The following ADAMTS17 variants were observed in gnomAD, a reference collection of about 807,000 sequenced individuals.
ADAMTS17 encodes ADAM metallopeptidase with thrombospondin type 1 motif 17, also known as A disintegrin and metalloproteinase with thrombospondin motifs 17.
A neutral mutation model predicts 141.5 loss-of-function variants in ADAMTS17; 113 were observed. The ratio of observed to expected loss-of-function variants is 0.80; its 90% CI spans 0.69 to 0.93. ADAMTS17 has a LOEUF of 0.93. Among genes scored for constraint, ADAMTS17 ranks in the 40% least tolerant of loss-of-function variants. The pLI is 0.00. For missense variants in ADAMTS17, 1,659 were observed against 1,517.9 expected, an observed-to-expected ratio of 1.09 and a Z score of -1.54; for synonymous variants, 768 against 630.6, an observed-to-expected ratio of 1.22 and a Z score of -3.27.
At chr15:100,337,267 C>T (rs902061395) in intron 2 of ADAMTS17, among the ~76,000 whole-genome samples, 2 of 152,196 alleles carry the variant, frequency 1.3e-5, no homozygotes, top group Non-Finnish European at 2.9e-5. Context: ...AATAGCTGTA[C>T]GGAACTATGA....
chr15:100,341,009 G>T lies in ADAMTS17; in HGVS notation c.450+30C>A, dbSNP rs882607. ...CACTCTGCGTCGCAACAGACCGGACGGGCCGACCCGGAGGTGGCGCGGGCA... is the reference window on the plus strand; with the variant it reads ...CACTCTGCGTCGCAACAGACCGGACTGGCCGACCCGGAGGTGGCGCGGGCA... On this transcript the variant is annotated intron_variant, in intron 2 of 21. Transcript: ENST00000268070. The T allele has an allele frequency of 0.27, 401,875 of 1,511,376 alleles. 56,556 individuals are homozygous for T. The highest frequency in any genetic ancestry group is 0.49 in the African/African-American group (34,885 of 71,752). The allele number at this position is 1,511,376 out of a possible 1,614,324, so 93.6% of individuals were successfully genotyped here.
At chr15:100,205,108 G>C (rs1282677304) in intron 7 of ADAMTS17, among the ~76,000 whole-genome samples, 1 of 152,118 alleles carries the variant, frequency 6.6e-6, no homozygotes, top group Non-Finnish European at 1.5e-5. Flanking sequence ...CACAGCTTAG[G>C]ACACAGATGT....
At chr15:100,040,217 A>G (rs966000561) in intron 18 of ADAMTS17, among the ~76,000 whole-genome samples, 5 of 152,200 alleles carry the variant, frequency 3.3e-5, no homozygotes, top group Non-Finnish European at 7.3e-5. Context: ...AGCCACCAAC[A>G]TATCCAAGCT....
At chr15:100,299,907 G>A (rs373881947) in intron 3 of ADAMTS17, among the ~76,000 whole-genome samples, 3 of 152,284 alleles carry the variant, frequency 2.0e-5, no homozygotes, top group South Asian at 4.1e-4. Flanking sequence ...TTGAGGATGG[G>A]AACAGCCCTC....
chr15:100,007,882 G>A (rs2061068675), intron 18 of ADAMTS17, among the ~76,000 whole-genome samples: 1 of 152,158 alleles, frequency 6.6e-6, no homozygotes. Flanking sequence ...CATCCAGACA[G>A]CGCAGACACA....
At chr15:100,105,179 C>A (rs1410568701) in intron 14 of ADAMTS17, among the ~76,000 whole-genome samples, 1 of 152,168 alleles carries the variant, frequency 6.6e-6, no homozygotes, top group African/African-American at 2.4e-5. Context: ...TGGTGGTCTG[C>A]CTGGAGGCAG....
chr15:100,254,070 AG>A, intron 7 of ADAMTS17, 65 bp downstream of exon 7: 2 of 1,496,914 alleles, frequency 1.3e-6, no homozygotes, highest in Non-Finnish European at 1.9e-6. Context: ...CACTGTGACC[AG>A]GAAGTCTCCA....
chr15:99,998,056 C>G (rs2060841095), intron 18 of ADAMTS17, among the ~76,000 whole-genome samples: 1 of 152,182 alleles, frequency 6.6e-6, no homozygotes, highest in Non-Finnish European at 1.5e-5. Flanking sequence ...ACAGCCCGCA[C>G]CACTACCGCC....
intron 4 of ADAMTS17, among the ~76,000 whole-genome samples, chr15:100,269,543 G>A (rs1219371255): frequency 6.6e-6 from 1 of 152,176 alleles, no homozygotes; most frequent in Non-Finnish European, 1.5e-5. Flanking sequence ...GAATGGCAAG[G>A]ACCTTCTTCC....
chr15:100,031,924 T>TA (rs1429121931), intron 18 of ADAMTS17, among the ~76,000 whole-genome samples: 1 of 152,118 alleles, frequency 6.6e-6, no homozygotes, highest in Non-Finnish European at 1.5e-5. Flanking sequence ...TCCTTGCCCT[T>TA]ACGGGGAAGA....
chr15:100,324,024 C>CAAAAAA (rs35999702), intron 3 of ADAMTS17, among the ~76,000 whole-genome samples: 1 of 133,154 alleles, frequency 7.5e-6, no homozygotes, highest in East Asian at 2.1e-4. Flanking sequence ...TCCTTTCTCT[C>CAAAAAA]AAAAAAAAAA....
chr15:100,078,930 A>G (rs2041602676), intron 15 of ADAMTS17, among the ~76,000 whole-genome samples: 1 of 152,232 alleles, frequency 6.6e-6, no homozygotes, highest in South Asian at 2.1e-4. Context: ...TCCGCAAAAA[A>G]GATATATGAA....
rs539469257 is a variant in ADAMTS17, at chr15:100,237,719, G to T, written c.1075+16417C>A. 3.3e-5 allele frequency among the ~76,000 whole-genome samples: 5 copies of T among 152,304 alleles called. No homozygotes were observed. The South Asian group carries it at 1.0e-3, about 32-fold the overall frequency. The stretch of plus-strand genomic sequence containing the variant: ...GCTCAGTGCAACCTCCGCCTCCCAG[G>T]TTCAAGCAATTCTCCTGTCTCCGCC... On this transcript the variant is annotated intron_variant, in intron 7 of 21. Transcript: ENST00000268070.
chr15:100,021,164 G>C (rs1258583300), intron 18 of ADAMTS17, among the ~76,000 whole-genome samples: 3 of 152,144 alleles, frequency 2.0e-5, no homozygotes, highest in Non-Finnish European at 4.4e-5. Context: ...GAGGCTTCAG[G>C]CCGATGTGTT....
At chr15:100,278,426 C>A (rs182218323) in intron 4 of ADAMTS17, among the ~76,000 whole-genome samples, 1 of 152,102 alleles carries the variant, frequency 6.6e-6, no homozygotes, top group African/African-American at 2.4e-5. Flanking sequence ...GGGGTGGGAG[C>A]AGCATGGCAC....
chr15:99,976,025 G>C lies in ADAMTS17; in HGVS notation c.3127+20C>G, dbSNP rs374295287. 6.5e-6 allele frequency: 10 copies of C among 1,544,954 alleles called. No homozygotes were observed. The highest frequency in any genetic ancestry group is 1.4e-5 in the African/African-American group (1 of 73,118). On this transcript the variant is annotated intron_variant, in intron 21 of 21. Coordinates refer to ENST00000268070, the MANE Select transcript of ADAMTS17 (RefSeq NM_139057.4). ...AGACACAGCAGCCCCCTGGGAACCGGGGCCAGTGAAGACACTCACCAAGGC... is the reference window on the plus strand; with the variant it reads ...AGACACAGCAGCCCCCTGGGAACCGCGGCCAGTGAAGACACTCACCAAGGC...
intron 14 of ADAMTS17, among the ~76,000 whole-genome samples, 191 bp from the exon 15 acceptor site, chr15:100,096,667 AT>A (rs1339967561): frequency 6.6e-6 from 1 of 152,116 alleles, no homozygotes. Flanking sequence ...CCTAGATTAT[AT>A]TTGTCTTTAT....
chr15:100,109,712 G>T (rs1016705096), intron 13 of ADAMTS17, among the ~76,000 whole-genome samples: 1 of 152,122 alleles, frequency 6.6e-6, no homozygotes, highest in Admixed American at 6.5e-5. Context: ...TGTGCACCCA[G>T]GCAGGATGGA....
intron 12 of ADAMTS17, among the ~76,000 whole-genome samples, chr15:100,131,366 GAA>G (rs11398544): frequency 7.8e-6 from 1 of 127,798 alleles, no homozygotes; most frequent in Non-Finnish European, 1.6e-5. Context: ...CTTAAAGTAT[GAA>G]AAAAAAAAAA....
Sources: gnomAD v4.1 joint callset for allele counts (sites outside exome capture counted in the v4.1 genomes callset) on GRCh38, gnomAD v4.1.1 for gene constraint, MANE v1.5 for transcripts, NCBI Gene and HGNC (gene_info 2026-07-23, HGNC 2026-07-21) for gene names.